CADPS2: variants seen among roughly 807,000 people sequenced by gnomAD.
CADPS2 encodes the protein calcium dependent secretion activator 2, also known as calcium-dependent secretion activator 2.
Under a neutral mutation model 172.5 loss-of-function variants are expected in CADPS2, and 93 were observed. The ratio of observed to expected loss-of-function variants is 0.54; its 90% CI spans 0.46 to 0.64. The LOEUF (loss-of-function observed/expected upper bound fraction) is 0.64, where lower values mean the gene tolerates loss of function less well. Among genes scored for constraint, CADPS2 ranks in the 30% least tolerant of loss-of-function variants. The pLI is 0.00. For synonymous variants in CADPS2, 546 were observed against 555.2 expected (o/e 0.98, Z 0.23); for missense variants, 1,420 against 1,565.9 (o/e 0.91, Z 1.57).
chr7:122,579,714 G>A (rs1224506487), intron 7 of CADPS2, among the ~76,000 whole-genome samples: 1 of 151,858 alleles, frequency 6.6e-6, no homozygotes, highest in African/African-American at 2.4e-5. Flanking sequence ...TGTCTCCAAA[G>A]CTCTTGTATT....
chr7:122,358,197 T>C (rs1563141187), intron 27 of CADPS2, among the ~76,000 whole-genome samples: 1 of 152,188 alleles, frequency 6.6e-6, no homozygotes, highest in Non-Finnish European at 1.5e-5. Flanking sequence ...TATCTTCTTT[T>C]AATTTGCATT....
At chr7:122,529,060 A>G (rs1471409892) in intron 8 of CADPS2, among the ~76,000 whole-genome samples, 1 of 152,102 alleles carries the variant, frequency 6.6e-6, no homozygotes, top group Non-Finnish European at 1.5e-5. Context: ...TGTTTGCGCC[A>G]TCTACTGGAC....
At chr7:122,851,880 A>G (rs1304100890) in intron 1 of CADPS2, among the ~76,000 whole-genome samples, 2 of 152,180 alleles carry the variant, frequency 1.3e-5, no homozygotes, top group Non-Finnish European at 2.9e-5. Flanking sequence ...GGGTGGGAAC[A>G]CAGCCAAGCC....
chr7:122,828,948 TACC>T (rs1805716872), intron 1 of CADPS2, among the ~76,000 whole-genome samples: 1 of 152,204 alleles, frequency 6.6e-6, no homozygotes, highest in African/African-American at 2.4e-5. Context: ...CTCACCTTCT[TACC>T]ACATTTTAGA....
At chr7:122,805,647 T>C (rs1798636660) in intron 1 of CADPS2, among the ~76,000 whole-genome samples, 1 of 152,190 alleles carries the variant, frequency 6.6e-6, no homozygotes, top group South Asian at 2.1e-4. Flanking sequence ...TCACCATTCC[T>C]GGTTATGAGT....
At chr7:122,505,809 C>A (rs1482505446) in intron 9 of CADPS2, among the ~76,000 whole-genome samples, 1 of 152,142 alleles carries the variant, frequency 6.6e-6, no homozygotes, top group South Asian at 2.1e-4. Flanking sequence ...AAAATGTTGC[C>A]ATATTTCATC....
intron 25 of CADPS2, among the ~76,000 whole-genome samples, chr7:122,371,743 G>GA (rs2041791179): frequency 6.6e-6 from 1 of 152,154 alleles, no homozygotes; most frequent in Non-Finnish European, 1.5e-5. Context: ...GTGTTTAGGA[G>GA]ACTGACTCAA....
At chr7:122,683,772 TG>T (rs2083327551) in intron 2 of CADPS2, among the ~76,000 whole-genome samples, 1 of 151,846 alleles carries the variant, frequency 6.6e-6, no homozygotes, top group African/African-American at 2.4e-5. Flanking sequence ...GATTCCCAGT[TG>T]GGGCTGCTGT....
intron 22 of CADPS2, 95 bp from the exon 23 acceptor site, chr7:122,388,833 A>G (rs1464594152): frequency 4.4e-6 from 5 of 1,144,628 alleles, no homozygotes. Flanking sequence ...AATTGCCATC[A>G]GTGAAAAAAA....
chr7:122,794,108 G>C (rs1230856185), intron 1 of CADPS2, among the ~76,000 whole-genome samples: 1 of 152,016 alleles, frequency 6.6e-6, no homozygotes, highest in African/African-American at 2.4e-5. Flanking sequence ...TCTTGTGGAT[G>C]ATCTTCTTGC....
Position 122,578,067 on chromosome 7 carries a change from GATATATATATGTGTATATATATACAC to G in CADPS2, c.1335+3086_1335+3111del, listed in dbSNP as rs1479761755. On this transcript the variant is annotated intron_variant, in intron 7 of 29. Coordinates refer to ENST00000449022, the MANE Select transcript of CADPS2 (RefSeq NM_017954.11). ...GTTATTTGTTCTAATTAGAAAAGTA[GATATATATATGTGTATATATATACAC>G]ATATATATACACAAAAGTATATATA... Among the ~76,000 whole-genome samples, 8 of 149,770 alleles carry G rather than the reference GATATATATATGTGTATATATATACAC, an allele frequency of 5.3e-5. No homozygotes were observed. The East Asian group carries it at 1.6e-3, about 30-fold the overall frequency.
chr7:122,390,462 T>A (rs932947945), intron 22 of CADPS2, among the ~76,000 whole-genome samples: 1 of 152,116 alleles, frequency 6.6e-6, no homozygotes, highest in African/African-American at 2.4e-5. Flanking sequence ...ATTTTTACTT[T>A]GGAGAAATGT....
chr7:122,566,625 G>C (rs2066511003), intron 7 of CADPS2, among the ~76,000 whole-genome samples: 1 of 152,100 alleles, frequency 6.6e-6, no homozygotes, highest in African/African-American at 2.4e-5. Context: ...AAAGAGCTTA[G>C]TAATACACTT....
rs559039248 is a variant in CADPS2 at position 122,469,963 on chromosome 7, G to T, written c.2186+1412C>A. ...TTCTAAGATGAGTTTTGTGATATTT[G>T]ACTTTTTAAAACTGGAAAAAAGAAA... On this transcript the variant is annotated intron_variant, in intron 14 of 29. Coordinates refer to ENST00000449022, the MANE Select transcript of CADPS2 (RefSeq NM_017954.11). Among the ~76,000 whole-genome samples the T allele has an allele frequency of 2.6e-5, 4 of 152,168 alleles. No individual in the cohort carries two copies. The East Asian group carries it at 7.7e-4, about 29-fold the overall frequency.
intron 9 of CADPS2, among the ~76,000 whole-genome samples, chr7:122,496,981 G>T (rs575941382): frequency 6.6e-6 from 1 of 152,096 alleles, no homozygotes; most frequent in South Asian, 2.1e-4. Context: ...ATATTTTAAA[G>T]AAATAATCTC....
At position 122,381,836 on chromosome 7, in the gene CADPS2, T is replaced by C. The variant is rs187372911; in HGVS notation, c.3313-2394A>G. ...TGTTAAAAACAAAGGAATAAAGAAGTATACATCTGAAATTTAATACCCAAG... is the reference window on the plus strand; with the variant it reads ...TGTTAAAAACAAAGGAATAAAGAAGCATACATCTGAAATTTAATACCCAAG... On this transcript the variant is annotated intron_variant, in intron 24 of 29. Coordinates refer to ENST00000449022, the MANE Select transcript of CADPS2 (RefSeq NM_017954.11). Among the ~76,000 whole-genome samples the C allele has an allele frequency of 1.4e-3, 206 of 152,236 alleles. 9 individuals carry two copies. The South Asian group carries it at 0.041, about 31-fold the overall frequency.
At chr7:122,464,990 G>A (rs1352037113) in intron 14 of CADPS2, among the ~76,000 whole-genome samples, 4 of 152,092 alleles carry the variant, frequency 2.6e-5, no homozygotes, top group Non-Finnish European at 4.4e-5. Flanking sequence ...CACTCTTTTA[G>A]TAACTTTTCT....
chr7:122,879,942 T>A, intron 1 of CADPS2, among the ~76,000 whole-genome samples: 1 of 152,324 alleles, frequency 6.6e-6, no homozygotes, highest in East Asian at 1.9e-4. Context: ...ATAGCAGAAC[T>A]TAAACAAGTC....
At chr7:122,708,656 A>G (rs1253034518) in intron 2 of CADPS2, among the ~76,000 whole-genome samples, 1 of 150,954 alleles carries the variant, frequency 6.6e-6, no homozygotes, top group Non-Finnish European at 1.5e-5. Context: ...AATATGATCA[A>G]ATCCATTTAA....
Sources: allele counts gnomAD v4.1 joint callset (sites outside exome capture counted in the v4.1 genomes callset), GRCh38; gene constraint gnomAD v4.1.1; transcripts MANE v1.5; gene names NCBI Gene and HGNC (gene_info 2026-07-23, HGNC 2026-07-21).